Variants in DNAH11 observed in about 807,000 individuals in gnomAD.
DNAH11 encodes the protein axonemal beta dynein heavy chain 11.
In DNAH11, 442 loss-of-function variants were observed where a neutral mutation model predicts 526.0. The ratio of observed to expected loss-of-function variants is 0.84; its 90% CI spans 0.78 to 0.91. The LOEUF is 0.91. Ranked by LOEUF, DNAH11 falls within the 40% of genes least tolerant of loss-of-function variation. DNAH11 has a pLI of 0.00. For synonymous variants in DNAH11, 2,461 were observed against 1,935.9 expected (o/e 1.27, Z -7.12); for missense variants, 6,989 against 5,448.7 (o/e 1.28, Z -8.90).
intron 20 of DNAH11, among the ~76,000 whole-genome samples, chr7:21,612,991 C>T (rs1316122965): frequency 6.6e-6 from 1 of 151,886 alleles, no homozygotes; most frequent in Admixed American, 6.6e-5. Flanking sequence ...CCATTTTTTA[C>T]CTAATAAAAG....
chr7:21,682,312 G>A (rs1426978908), intron 31 of DNAH11, among the ~76,000 whole-genome samples: 1 of 152,062 alleles, frequency 6.6e-6, no homozygotes, highest in African/African-American at 2.4e-5. Flanking sequence ...AGATCACGAG[G>A]TCAGGAGATC....
intron 49 of DNAH11, 75 bp downstream of exon 49, chr7:21,742,241 T>A: frequency 6.7e-7 from 1 of 1,503,244 alleles, no homozygotes; most frequent in Non-Finnish European, 9.0e-7. Flanking sequence ...CCATTTTTTA[T>A]GTCACTATAG....
chr7:21,759,522 C>T (rs1009692408), intron 54 of DNAH11, among the ~76,000 whole-genome samples: 4 of 152,188 alleles, frequency 2.6e-5, no homozygotes, highest in African/African-American at 9.7e-5. Context: ...GTTTTCTGCA[C>T]TAAACCTCCA....
At chr7:21,581,841 G>GTGATT in intron 8 of DNAH11, 64 bp from the exon 9 acceptor site, 1 of 1,002,526 alleles carries the variant, frequency 1.0e-6, no homozygotes, top group Non-Finnish European at 1.6e-6. Flanking sequence ...TCACGCTTGT[G>GTGATT]TGATTGCTAT....
At chr7:21,676,974 G>A (rs1324986009) in intron 30 of DNAH11, among the ~76,000 whole-genome samples, 4 of 152,170 alleles carry the variant, frequency 2.6e-5, no homozygotes, top group East Asian at 3.8e-4. Flanking sequence ...CCCACACTCT[G>A]ACAGTTCTTC....
At position 21,873,499 on chromosome 7, in the gene DNAH11, C is replaced by G; in HGVS notation, c.12193C>G (p.Gln4065Glu). ...GCATGCCGCCCTGTACAACTTTGAT[C>G]AGGTAAGAAAGCGAAGCAGGCTAGG... is the stretch of plus-strand genomic sequence containing the variant. ...NLHAALYNFDQDTLEICSKEQ... is the reference protein window; with the variant it reads ...NLHAALYNFDEDTLEICSKEQ... Residue 4065 changes from glutamine to glutamate, a missense_variant and splice_region_variant, in exon 74 of 82, where the codon CAG becomes GAG. Gln to Glu is a conservative substitution (Grantham distance 29). Transcript: ENST00000409508. 6.2e-7 allele frequency: 1 copy of G among 1,613,820 alleles called. No homozygotes were observed. Among genetic ancestry groups the G allele is most frequent in the Non-Finnish European group, 8.5e-7 (1 of 1,179,834 alleles).
At chr7:21,583,124 G>A (rs989005898) in intron 9 of DNAH11, among the ~76,000 whole-genome samples, 2 of 152,112 alleles carry the variant, frequency 1.3e-5, no homozygotes, top group South Asian at 2.1e-4. Context: ...AGCATGTATA[G>A]CCAATATAAT....
chr7:21,898,787 C>G (rs1050713697), intron 79 of DNAH11, among the ~76,000 whole-genome samples: 2 of 152,228 alleles, frequency 1.3e-5, no homozygotes, highest in African/African-American at 4.8e-5. Context: ...CCATTCCTGG[C>G]TGACTTGTTT....
At chr7:21,730,208 C>T (rs899751324) in intron 45 of DNAH11, among the ~76,000 whole-genome samples, 20 of 152,052 alleles carry the variant, frequency 1.3e-4, no homozygotes, top group Non-Finnish European at 2.5e-4. Context: ...TCACAATAGC[C>T]AAGATATGGA....
At chr7:21,615,725 A>T (rs900873431) in intron 21 of DNAH11, among the ~76,000 whole-genome samples, 3 of 152,120 alleles carry the variant, frequency 2.0e-5, no homozygotes, top group Non-Finnish European at 4.4e-5. Flanking sequence ...GTTCTAGGGA[A>T]TGAGGCATAT....
chr7:21,780,343 G>A (rs1358535178), intron 57 of DNAH11, among the ~76,000 whole-genome samples: 1 of 152,062 alleles, frequency 6.6e-6, no homozygotes, highest in African/African-American at 2.4e-5. Context: ...CCAGGAGTTC[G>A]AGACCTGCCT....
chr7:21,869,895 G>A (rs17145784), intron 73 of DNAH11, among the ~76,000 whole-genome samples: 9,191 of 152,250 alleles, frequency 0.06, 429 homozygotes, highest in African/African-American at 0.12. Context: ...ACAAGAACCA[G>A]TGGAGCACAG....
At chr7:21,546,693 ATTTC>A (rs565662787) in intron 2 of DNAH11, among the ~76,000 whole-genome samples, 9 of 152,216 alleles carry the variant, frequency 5.9e-5, no homozygotes, top group African/African-American at 9.6e-5. Flanking sequence ...TCATATGGTT[ATTTC>A]TTTATGTATC....
intron 68 of DNAH11, 118 bp from the exon 69 acceptor site, chr7:21,861,735 A>C: frequency 9.8e-7 from 1 of 1,021,300 alleles, no homozygotes. Flanking sequence ...CCTCCTAAAA[A>C]TTTTGCCTCA....
chr7:21,737,306 G>A (rs1256282973), intron 46 of DNAH11, among the ~76,000 whole-genome samples: 1 of 152,224 alleles, frequency 6.6e-6, no homozygotes, highest in Admixed American at 6.5e-5. Flanking sequence ...TTATACTGCA[G>A]ATAGGGTGAC....
In DNAH11 at chr7:21,601,593, C is replaced by A; in HGVS notation, c.3623C>A (p.Pro1208His). The change falls in exon 18 of 82, where the codon CCT becomes CAT. Residue 1208 changes from proline (P) to histidine (H), a missense_variant. Physicochemically the swap from Pro to His is moderately conservative, Grantham distance 77. Coordinates refer to ENST00000409508, the MANE Select transcript of DNAH11 (RefSeq NM_001277115.2). The part of the protein sequence containing the change: ...TLLESYGQKM[P>H]EQVYIQLEEL... The stretch of plus-strand genomic sequence containing the variant: ...TTGGAAAGCTATGGCCAGAAGATGC[C>A]TGAGCAGGTCTATATTCAGCTAGAG... The A allele has an allele frequency of 6.3e-7, 1 of 1,592,810 alleles. No homozygotes were observed. The highest frequency in any genetic ancestry group is 8.6e-7 in the Non-Finnish European group (1 of 1,165,012).
intron 8 of DNAH11, among the ~76,000 whole-genome samples, chr7:21,576,127 C>T (rs902488838): frequency 2.0e-5 from 3 of 151,966 alleles, no homozygotes; most frequent in Non-Finnish European, 2.9e-5. Context: ...GAGTATCCTA[C>T]CTGCCAGCGA....
intron 2 of DNAH11, among the ~76,000 whole-genome samples, chr7:21,553,275 A>C (rs1265732182): frequency 1.3e-5 from 2 of 151,790 alleles, no homozygotes; most frequent in Non-Finnish European, 2.9e-5. Context: ...CAATCCCACA[A>C]TCATGTTTTG....
intron 9 of DNAH11, among the ~76,000 whole-genome samples, chr7:21,586,462 A>G (rs894636726): frequency 6.6e-6 from 1 of 152,202 alleles, no homozygotes; most frequent in African/African-American, 2.4e-5. Flanking sequence ...TACTGTAGTT[A>G]TAATTGCTGT....
Sources: allele counts gnomAD v4.1 joint callset (sites outside exome capture counted in the v4.1 genomes callset), GRCh38; gene constraint gnomAD v4.1.1; transcripts MANE v1.5; gene names NCBI Gene and HGNC (gene_info 2026-07-23, HGNC 2026-07-21).